The following NUP155 variants were observed in gnomAD, a reference collection of about 807,000 sequenced individuals.
NUP155 encodes the protein nuclear pore complex protein Nup155.
In NUP155, 71 loss-of-function variants were observed where a neutral mutation model predicts 180.4. The ratio of observed to expected loss-of-function variants is 0.39; its 90% confidence interval spans 0.33 to 0.48. The LOEUF is 0.48. NUP155 is among the 20% of genes least tolerant of loss of function. The pLI, the probability that NUP155 is intolerant of heterozygous loss-of-function variation, is 0.91. For synonymous variants in NUP155, 582 were observed against 559.5 expected (o/e 1.04, Z -0.57); for missense variants, 1,553 against 1,648.9 (o/e 0.94, Z 1.01).
chr5:37,328,868 G>T (rs546478295), intron 16 of NUP155, among the ~76,000 whole-genome samples: 1 of 152,206 alleles, frequency 6.6e-6, no homozygotes, highest in African/African-American at 2.4e-5. Flanking sequence ...ATTAGGGACT[G>T]ATCTCCTAGT....
intron 32 of NUP155, among the ~76,000 whole-genome samples, chr5:37,295,340 C>T (rs1003409278): frequency 1.3e-5 from 2 of 152,192 alleles, no homozygotes; most frequent in Admixed American, 1.3e-4. Flanking sequence ...GAGTCTCCTT[C>T]ACTCAGTGCT....
chr5:37,329,769 G>A (rs1369601785), intron 15 of NUP155, among the ~76,000 whole-genome samples: 1 of 152,144 alleles, frequency 6.6e-6, no homozygotes, highest in Non-Finnish European at 1.5e-5. Context: ...AGATGAGACA[G>A]TAACTGAGGT....
At chr5:37,311,023 G>A (rs995474554) in intron 22 of NUP155, among the ~76,000 whole-genome samples, 2 of 152,062 alleles carry the variant, frequency 1.3e-5, no homozygotes, top group Non-Finnish European at 2.9e-5. Flanking sequence ...CCTGGCTTTG[G>A]TTATAAAATG....
intron 6 of NUP155, among the ~76,000 whole-genome samples, chr5:37,350,608 A>G (rs1466000761): frequency 2.0e-5 from 3 of 152,082 alleles, no homozygotes; most frequent in African/African-American, 7.2e-5. Context: ...GTTCGAGACC[A>G]GCCTAGCCAA....
At chr5:37,320,337 C>T (rs1386859427) in intron 20 of NUP155, among the ~76,000 whole-genome samples, 2 of 151,772 alleles carry the variant, frequency 1.3e-5, no homozygotes, top group African/African-American at 2.4e-5. Context: ...ATTAGCTGGG[C>T]GTGGTGGCTC....
chr5:37,359,651 G>T (rs767987896), intron 3 of NUP155, among the ~76,000 whole-genome samples: 3 of 151,966 alleles, frequency 2.0e-5, no homozygotes, highest in African/African-American at 2.4e-5. Context: ...CTTACTTACA[G>T]TATCTACTGT....
intron 4 of NUP155, among the ~76,000 whole-genome samples, chr5:37,354,457 C>CTT (rs34505360): frequency 2.2e-4 from 25 of 115,018 alleles, no homozygotes; most frequent in African/African-American, 5.6e-4. Flanking sequence ...TTTATTTCTT[C>CTT]TTTTTTTTTT....
intron 3 of NUP155, among the ~76,000 whole-genome samples, chr5:37,363,665 G>T (rs1738232283): frequency 6.6e-6 from 1 of 152,278 alleles, no homozygotes; most frequent in African/African-American, 2.4e-5. Flanking sequence ...ACCAGCAGCA[G>T]CAGTTGGCAG....
intron 18 of NUP155, 31 bp downstream of exon 18, chr5:37,327,598 G>A (rs747741163): frequency 1.9e-6 from 3 of 1,611,346 alleles, no homozygotes; most frequent in South Asian, 2.2e-5. Flanking sequence ...GACAAGGTGA[G>A]CAATAATTCA....
At chr5:37,334,827 G>T (rs924815732) in intron 12 of NUP155, among the ~76,000 whole-genome samples, 5 of 152,006 alleles carry the variant, frequency 3.3e-5, no homozygotes, top group African/African-American at 1.2e-4. Flanking sequence ...ATCTTTCCAG[G>T]ATCAACTAAA....
chr5:37,355,915 T>TTC (rs919057016), intron 4 of NUP155, among the ~76,000 whole-genome samples: 11 of 151,666 alleles, frequency 7.3e-5, no homozygotes, highest in African/African-American at 2.7e-4. Context: ...CAATTCTCCT[T>TTC]CCTAGTAACT....
Position 37,294,346 on chromosome 5 carries a change from G to A in NUP155, c.3913C>T (p.Gln1305Ter). ...TTCCTTACCCGTGATTTGAACAACT[G>A]ATCATAAACTTCTAGTAGTCTAGGT... ...PLPRLLEVYD[Q>*]LFKSRDPFWN... Residue 1305 changes from glutamine (Q) to a stop codon, truncating the protein, a stop_gained, in exon 33 of 35, where the codon CAG becomes TAG. Coordinates refer to ENST00000231498, the MANE Select transcript of NUP155 (RefSeq NM_153485.3). LOFTEE classifies it high-confidence loss of function. 1 of 1,590,270 alleles carries A rather than the reference G, an allele frequency of 6.3e-7. No individual in the cohort carries two copies. Among genetic ancestry groups the A allele is most frequent in the Non-Finnish European group, 8.6e-7 (1 of 1,159,888 alleles).
intron 13 of NUP155, among the ~76,000 whole-genome samples, chr5:37,332,261 C>G (rs998713748): frequency 5.3e-5 from 7 of 132,992 alleles, no homozygotes; most frequent in Admixed American, 1.5e-4. Context: ...CAAAATAAAA[C>G]TATCATAATA....
At chr5:37,306,484 C>G (rs1436259278) in intron 25 of NUP155, among the ~76,000 whole-genome samples, 1 of 152,226 alleles carries the variant, frequency 6.6e-6, no homozygotes, top group African/African-American at 2.4e-5. Context: ...CTTCTTTGTT[C>G]CGAGACGGAG....
At chr5:37,292,174 A>G (rs1052788745) in intron 34 of NUP155, 136 bp from the exon 35 acceptor site, 10 of 846,700 alleles carry the variant, frequency 1.2e-5, no homozygotes, top group African/African-American at 1.0e-4. Flanking sequence ...ATAAGAAATA[A>G]AGTAAAAAAG....
intron 9 of NUP155, 42 bp from the exon 10 acceptor site, chr5:37,342,688 CT>C: frequency 8.3e-7 from 1 of 1,208,510 alleles, no homozygotes; most frequent in Non-Finnish European, 1.2e-6. Flanking sequence ...TAAAATGTGT[CT>C]GCTAAATTAT....
At chr5:37,302,481 G>A (rs1477195565) in intron 29 of NUP155, among the ~76,000 whole-genome samples, 1 of 152,192 alleles carries the variant, frequency 6.6e-6, no homozygotes, top group Non-Finnish European at 1.5e-5. Context: ...TGATCTGGCT[G>A]CCTCGGCCTC....
intron 34 of NUP155, 30 bp from the exon 35 acceptor site, chr5:37,292,068 T>C (rs1742263196): frequency 1.9e-6 from 3 of 1,611,714 alleles, no homozygotes; most frequent in South Asian, 2.2e-5. Context: ...TGATTAATTA[T>C]ACATTTACAA....
At chr5:37,346,544 C>A (rs1316930651) in intron 9 of NUP155, among the ~76,000 whole-genome samples, 1 of 151,824 alleles carries the variant, frequency 6.6e-6, no homozygotes, top group Non-Finnish European at 1.5e-5. Flanking sequence ...TGGTGACAGG[C>A]GCCTGTAATT....
Sources: allele counts gnomAD v4.1 joint callset (sites outside exome capture counted in the v4.1 genomes callset), GRCh38; gene constraint gnomAD v4.1.1; transcripts MANE v1.5; gene names NCBI Gene and HGNC (gene_info 2026-07-23, HGNC 2026-07-21).